The following SND1 variants were observed in gnomAD, a reference collection of about 807,000 sequenced individuals.
The protein encoded by SND1 is staphylococcal nuclease and tudor domain containing 1.
Under a neutral mutation model 121.7 loss-of-function variants are expected in SND1, and 38 were observed. The observed-to-expected ratio is 0.31, with a 90% CI of 0.24 to 0.41. SND1 has a LOEUF of 0.41. Ranked by LOEUF, SND1 falls within the 10% of genes least tolerant of loss-of-function variation. The probability of loss-of-function intolerance (pLI) is 1.00; values close to 1 mark genes in which losing one functional copy is unlikely to be tolerated. For missense variants in SND1, 868 were observed against 1,184.6 expected (o/e 0.73, Z 3.92); for synonymous variants, 401 against 447.4 (o/e 0.90, Z 1.31).
intron 14 of SND1, among the ~76,000 whole-genome samples, chr7:127,921,666 T>C (rs1800708173): frequency 6.6e-6 from 1 of 152,184 alleles, no homozygotes. Flanking sequence ...AAACGTATAT[T>C]TATGAAATCA....
intron 11 of SND1, among the ~76,000 whole-genome samples, chr7:127,843,651 A>G (rs1480956105): frequency 1.3e-5 from 2 of 152,206 alleles, no homozygotes; most frequent in Non-Finnish European, 2.9e-5. Flanking sequence ...TGAAGGATAT[A>G]TGGATTCCTT....
At chr7:127,923,986 C>CT (rs60504299) in intron 14 of SND1, among the ~76,000 whole-genome samples, 128 of 147,050 alleles carry the variant, frequency 8.7e-4, no homozygotes, top group Middle Eastern at 3.5e-3. Context: ...GATCTCCACA[C>CT]TTTTTTTTTT....
intron 16 of SND1, among the ~76,000 whole-genome samples, chr7:128,045,011 T>C (rs1584759365): frequency 6.6e-6 from 1 of 152,190 alleles, no homozygotes; most frequent in African/African-American, 2.4e-5. Flanking sequence ...CCAAGCTTTG[T>C]ATCAGATTTA....
At chr7:128,043,831 T>G (rs923109644) in intron 16 of SND1, among the ~76,000 whole-genome samples, 6 of 133,904 alleles carry the variant, frequency 4.5e-5, no homozygotes, top group Non-Finnish European at 9.3e-5. Flanking sequence ...TATCTTTATA[T>G]ATGTATATAT....
At chr7:127,884,558 C>T (rs756105544) in intron 12 of SND1, among the ~76,000 whole-genome samples, 1 of 152,000 alleles carries the variant, frequency 6.6e-6, no homozygotes, top group Non-Finnish European at 1.5e-5. Flanking sequence ...GACTTCTTAT[C>T]AAGCTTTGAC....
intron 11 of SND1, among the ~76,000 whole-genome samples, chr7:127,828,685 TATC>T (rs540909971): frequency 7.2e-5 from 11 of 152,350 alleles, no homozygotes; most frequent in African/African-American, 1.9e-4. Flanking sequence ...TATTATTAAA[TATC>T]ATCACTGCTT....
chr7:128,072,914 CT>C (rs1375859106), intron 16 of SND1, among the ~76,000 whole-genome samples: 1 of 152,220 alleles, frequency 6.6e-6, no homozygotes, highest in Admixed American at 6.5e-5. Context: ...ATAGGAGAAA[CT>C]GGTTTTAACA....
chr7:127,670,136 G>A (rs894814693), intron 1 of SND1, among the ~76,000 whole-genome samples: 1 of 152,068 alleles, frequency 6.6e-6, no homozygotes, highest in South Asian at 2.1e-4. Flanking sequence ...GATCACAGGC[G>A]TGTGCCACTG....
At position 127,872,759 on chromosome 7, in the gene SND1, T is replaced by C. The variant is rs181702297; in HGVS notation, c.1344-15143T>C. ...AAACATAATAAGCTAAGCTAAAAGC[T>C]GAATATATTTTTGGTACCTACAGAT... is the stretch of plus-strand genomic sequence containing the variant. On this transcript the variant is annotated intron_variant, in intron 12 of 23. Coordinates refer to ENST00000354725, the MANE Select transcript of SND1 (RefSeq NM_014390.4). Among the ~76,000 whole-genome samples, 27 of 152,220 alleles carry C rather than the reference T, an allele frequency of 1.8e-4. 1 individual carries two copies. The East Asian group carries it at 4.4e-3, about 25-fold the overall frequency.
chr7:128,035,080 C>T (rs1194609677), intron 16 of SND1, among the ~76,000 whole-genome samples: 3 of 152,202 alleles, frequency 2.0e-5, no homozygotes, highest in African/African-American at 7.2e-5. Flanking sequence ...AAAAAGCCAG[C>T]AGTGATTGGG....
At chr7:127,979,387 T>C (rs1802204595) in intron 15 of SND1, among the ~76,000 whole-genome samples, 1 of 152,212 alleles carries the variant, frequency 6.6e-6, no homozygotes, top group African/African-American at 2.4e-5. Context: ...GTAGCCCCTA[T>C]TGCTGTGTCG....
At chr7:127,903,423 A>T (rs1800274377) in intron 13 of SND1, among the ~76,000 whole-genome samples, 1 of 152,156 alleles carries the variant, frequency 6.6e-6, no homozygotes, top group Admixed American at 6.5e-5. Flanking sequence ...AGCATTTCAG[A>T]TAAGAGTGAG....
At chr7:127,821,326 G>T (rs529919945) in intron 11 of SND1, among the ~76,000 whole-genome samples, 1 of 152,242 alleles carries the variant, frequency 6.6e-6, no homozygotes, top group South Asian at 2.1e-4. Context: ...CATTGTTTCA[G>T]TTAGCAAAAA....
At position 127,994,549 on chromosome 7, in the gene SND1, C is replaced by CA. The variant is rs563548702; in HGVS notation, c.1779+3529dup. ...CTCTCAAATGACGATCACTTTTACT[C>CA]AAAAAAAAAAAAAAAAAAAAAAAAA... On this transcript the variant is annotated intron_variant, in intron 16 of 23. Coordinates refer to ENST00000354725, the MANE Select transcript of SND1 (RefSeq NM_014390.4). 8.4e-3 allele frequency among the ~76,000 whole-genome samples: 387 copies of CA among 46,232 alleles called. 47 individuals are homozygous for CA. The highest frequency in any genetic ancestry group is 0.016 in the East Asian group (13 of 832). 30.3% of individuals were successfully genotyped at this position (46,232 alleles called of 152,430 possible). A position where few individuals can be genotyped will look rare whatever the true frequency, so the allele number is the denominator to read the frequency against.
At chr7:128,033,631 G>A (rs890477284) in intron 16 of SND1, among the ~76,000 whole-genome samples, 1 of 152,196 alleles carries the variant, frequency 6.6e-6, no homozygotes, top group African/African-American at 2.4e-5. Context: ...AGGCAAGTTG[G>A]AGTCCCCATT....
chr7:127,937,365 A>G (rs749900213), intron 15 of SND1, among the ~76,000 whole-genome samples: 8 of 152,136 alleles, frequency 5.3e-5, no homozygotes, highest in Admixed American at 3.9e-4. Flanking sequence ...ATATGAAATA[A>G]GACAAGAAAA....
At chr7:127,744,248 T>C (rs186997116) in intron 10 of SND1, among the ~76,000 whole-genome samples, 47 of 152,028 alleles carry the variant, frequency 3.1e-4, no homozygotes, top group Admixed American at 1.4e-3. Flanking sequence ...TTAATTTTTT[T>C]CCCCCCCGTT....
At chr7:127,679,495 C>G (rs1795673997) in intron 1 of SND1, among the ~76,000 whole-genome samples, 1 of 152,004 alleles carries the variant, frequency 6.6e-6, no homozygotes, top group South Asian at 2.1e-4. Flanking sequence ...GTATATAATT[C>G]AGTGGCTTTT....
chr7:127,828,839 C>A (rs547034035), intron 11 of SND1, among the ~76,000 whole-genome samples: 2 of 152,264 alleles, frequency 1.3e-5, no homozygotes, highest in African/African-American at 4.8e-5. Context: ...TTTAATAGCC[C>A]AAGAATAAAA....
Sources: gnomAD v4.1 joint callset for allele counts (sites outside exome capture counted in the v4.1 genomes callset) on GRCh38, gnomAD v4.1.1 for gene constraint, MANE v1.5 for transcripts, NCBI Gene and HGNC (gene_info 2026-07-23, HGNC 2026-07-21) for gene names.